GMIP: variants seen among roughly 807,000 people sequenced by gnomAD.
GMIP encodes the protein GEM-interacting protein.
A neutral mutation model predicts 105.3 loss-of-function variants in GMIP; 54 were observed. That is an observed-to-expected ratio of 0.51 (90% confidence interval 0.41 to 0.64). The LOEUF (loss-of-function observed/expected upper bound fraction) is 0.64. Among genes scored for constraint, GMIP ranks in the 30% least tolerant of loss-of-function variants. The pLI is 0.00. For synonymous variants in GMIP, 541 were observed against 560.8 expected (o/e 0.96, Z 0.50); for missense variants, 1,110 against 1,319.4 (o/e 0.84, Z 2.46).
chr19:19,636,321 G>C (rs189273345), intron 13 of GMIP, among the ~76,000 whole-genome samples: 3 of 151,952 alleles, frequency 2.0e-5, no homozygotes, highest in African/African-American at 7.3e-5. Context: ...TCAGGAGTTC[G>C]AGATCAGCCT....
intron 6 of GMIP, 46 bp from the exon 7 acceptor site, chr19:19,640,238 G>A (rs748016621): frequency 1.9e-6 from 3 of 1,578,612 alleles, no homozygotes; most frequent in South Asian, 2.2e-5. Flanking sequence ...GATCTGTGGG[G>A]GACAAAGGTG....
At position 19,634,100 on chromosome 19, in the gene GMIP, C is replaced by G. The variant is rs45521232; in HGVS notation, c.2175G>C (p.Pro725=). Residue 725 remains proline, a synonymous_variant, in exon 19 of 21, where the codon CCG becomes CCC. Coordinates refer to ENST00000203556, the MANE Select transcript of GMIP (RefSeq NM_016573.4). This position sits in a 1 kb window ranked among gnomAD's most constrained non-coding sequence, Gnocchi z 6.1. ...GPTLLRPPDG[P]RAASAIPVTC... ...TGACAGGGATGGCGCTGGCTGCCCG[C>G]GGGCCGTCCGGCGGCCGCAGCAGTG... 1.2e-6 allele frequency: 2 copies of G among 1,612,762 alleles called. No individual in the cohort carries two copies. The highest frequency in any genetic ancestry group is 1.7e-6 in the Non-Finnish European group (2 of 1,179,724).
chr19:19,634,654 A>G lies in GMIP; in HGVS notation c.1937T>C (p.Leu646Pro). 1.9e-6 allele frequency: 3 copies of G among 1,612,414 alleles called. No individual in the cohort carries two copies. The highest frequency in any genetic ancestry group is 2.5e-6 in the Non-Finnish European group (3 of 1,179,150). The change falls in exon 18 of 21, where the codon CTG becomes CCG. Residue 646 changes from leucine to proline, a missense_variant. Physicochemically the swap from Leu to Pro is moderately conservative, Grantham distance 98. Around this residue, in one of 3 missense-constraint regions of GMIP, gnomAD observed 394 missense variants for 450.5 expected, o/e 0.87. Coordinates refer to ENST00000203556, the MANE Select transcript of GMIP (RefSeq NM_016573.4). The surrounding 1 kb of genome is among the most constrained non-coding windows in gnomAD (Gnocchi z 6.1). Reference protein sequence around the residue: ...PFHLYDAFISLAKTLHADPGD... With the variant: ...PFHLYDAFISPAKTLHADPGD... ...AGGGTCTGCATGCAAGGTCTTAGCC[A>G]GAGAGATGAAGGCGTCGTAGAGGTG...
chr19:19,637,487 C>G lies in GMIP; in HGVS notation c.1002G>C (p.Glu334Asp). Residue 334 changes from glutamate to aspartate, a missense_variant, in exon 11 of 21, where the codon GAG becomes GAC. Around this residue, in one of 3 missense-constraint regions of GMIP, gnomAD observed 667 missense variants for 773.2 expected, o/e 0.86. Coordinates refer to ENST00000203556, the MANE Select transcript of GMIP (RefSeq NM_016573.4). The surrounding 1 kb of genome is among the most constrained non-coding windows in gnomAD (Gnocchi z 6.7). The stretch of plus-strand genomic sequence containing the variant: ...GGCCCGGCTCAAAGGGCGCACAGCA[C>G]TCGGCCAGGGCGGCGAAGGCGCGGG... ...RGPRAFAALA[E>D]CCAPFEPGQR... 3 of 1,541,644 alleles carry G rather than the reference C, an allele frequency of 1.9e-6. No homozygotes were observed. Among genetic ancestry groups the G allele is most frequent in the Non-Finnish European group, 2.6e-6 (3 of 1,144,158 alleles).
intron 13 of GMIP, 89 bp downstream of exon 13, chr19:19,636,618 G>T: frequency 1.1e-6 from 1 of 935,330 alleles, no homozygotes; most frequent in Non-Finnish European, 1.8e-6. Flanking sequence ...AGAGGTCAAA[G>T]ATAGTTAAAG....
At position 19,635,456 on chromosome 19, in the gene GMIP, C is replaced by A; in HGVS notation, c.1519G>T (p.Glu507Ter). The part of the protein sequence containing the change: ...RRLRGPAKCR[E>*]CEAFMVSGTE... ...CCGCTGACCATGAAGGCTTCGCACT[C>A]GCGGCACTTGGCTGGGCCCCGCAGT... Residue 507 changes from glutamate to a stop codon, truncating the protein, a stop_gained, in exon 15 of 21, where the codon GAG (glutamate) becomes TAG (stop). Transcript: ENST00000203556. LOFTEE classifies it high-confidence loss of function. This position sits in a 1 kb window ranked among gnomAD's most constrained non-coding sequence, Gnocchi z 4.7. The A allele has an allele frequency of 6.2e-7, 1 of 1,610,022 alleles. No individual in the cohort carries two copies. Among genetic ancestry groups the A allele is most frequent in the Non-Finnish European group, 8.5e-7 (1 of 1,179,986 alleles).
At position 19,641,801 on chromosome 19, in the gene GMIP, C is replaced by T. The variant is rs760494813; in HGVS notation, c.238+9G>A. 12 of 1,600,860 alleles carry T rather than the reference C, an allele frequency of 7.5e-6. No homozygotes were observed. Among genetic ancestry groups the T allele is most frequent in the Non-Finnish European group, 1.0e-5 (12 of 1,170,574 alleles). ...TGTCCCCACTGTCCTGGCCTCCAGA[C>T]CCCCCTACCTGTGAGGGGTACAGGA... On this transcript the variant is annotated intron_variant, in intron 4 of 20. Transcript: ENST00000203556.
In GMIP at chr19:19,635,464, T is replaced by C. The variant is rs1216570175; in HGVS notation, c.1511A>G (p.Lys504Arg). Residue 504 changes from lysine to arginine, a missense_variant, in exon 15 of 21, where the codon AAG becomes AGG. By Grantham distance (26) the Lys-to-Arg change is conservative. Around this residue, in one of 3 missense-constraint regions of GMIP, gnomAD observed 667 missense variants for 773.2 expected, o/e 0.86. Transcript: ENST00000203556. The surrounding 1 kb of genome is among the most constrained non-coding windows in gnomAD (Gnocchi z 4.7). ...HQLRRLRGPA[K>R]CRECEAFMVS... ...CATGAAGGCTTCGCACTCGCGGCAC[T>C]TGGCTGGGCCCCGCAGTCGCCGCAG... The C allele has an allele frequency of 2.5e-6, 4 of 1,610,294 alleles. No homozygotes were observed. In the Admixed American group the frequency reaches 5.0e-5, roughly 20 times the overall value.
At chr19:19,640,634 GC>G in intron 4 of GMIP, 63 bp from the exon 5 acceptor site, 9 of 1,587,590 alleles carry the variant, frequency 5.7e-6, no homozygotes, top group Non-Finnish European at 7.8e-6. Context: ...TCTTCCCTAA[GC>G]CCCCAGACCA....
intron 19 of GMIP, among the ~76,000 whole-genome samples, chr19:19,633,338 G>A (rs563187203): frequency 2.0e-4 from 30 of 152,238 alleles, no homozygotes; most frequent in Admixed American, 5.2e-4. Context: ...GATTACAGGC[G>A]TGTGCCACCG....
chr19:19,643,192 T>A, intron 1 of GMIP: 1 of 349,542 alleles, frequency 2.9e-6, no homozygotes, highest in East Asian at 4.8e-5. Flanking sequence ...GTGGGGATCC[T>A]ACCGCGTTGC....
Position 19,638,408 on chromosome 19 carries a change from C to T in GMIP, c.612G>A (p.Lys204=). The change falls in exon 8 of 21, where the codon AAG becomes AAA. Residue 204 remains lysine, a synonymous_variant. Coordinates refer to ENST00000203556, the MANE Select transcript of GMIP (RefSeq NM_016573.4). The stretch of plus-strand genomic sequence containing the variant: ...CACCAATTCCAAGCCTCACCATCCG[C>T]TTCTGCTCCTTCATCCACTGCTCCT... The part of the protein sequence containing the change: ...EFKEQWMKEQ[K]RMNEAVQALR... 1.2e-6 allele frequency: 2 copies of T among 1,614,206 alleles called. No individual in the cohort carries two copies. Among genetic ancestry groups the T allele is most frequent in the Non-Finnish European group, 1.7e-6 (2 of 1,180,018 alleles).
chr19:19,643,532 C>G lies in GMIP; in HGVS notation c.-3G>C. The G allele has an allele frequency of 6.5e-7, 1 of 1,547,956 alleles. No individual in the cohort carries two copies. Among genetic ancestry groups the G allele is most frequent in the Non-Finnish European group, 8.7e-7 (1 of 1,145,498 alleles). On this transcript the variant is annotated 5_prime_UTR_variant, in exon 1 of 21. Coordinates refer to ENST00000203556, the MANE Select transcript of GMIP (RefSeq NM_016573.4). ...CTACCCGGCTCTGCTGCGTCCATAT[C>G]TGGGCCCGGGGATCGCTCTGCAGGG... is the stretch of plus-strand genomic sequence containing the variant.
intron 7 of GMIP, among the ~76,000 whole-genome samples, chr19:19,638,851 T>C (rs1426848850): frequency 6.7e-6 from 1 of 149,582 alleles, no homozygotes; most frequent in Non-Finnish European, 1.5e-5. Flanking sequence ...GAGGCCAAAG[T>C]GGGCAGATCA....
At chr19:19,643,470 G>T (rs374492898) in intron 1 of GMIP, 41 bp downstream of exon 1, 6 of 1,519,764 alleles carry the variant, frequency 3.9e-6, no homozygotes, top group Non-Finnish European at 2.7e-6. Flanking sequence ...GGAAGCAGGG[G>T]ATGGTCGGGG....
chr19:19,633,057 C>T (rs2061812493), intron 19 of GMIP, among the ~76,000 whole-genome samples: 1 of 150,104 alleles, frequency 6.7e-6, no homozygotes, highest in African/African-American at 2.5e-5. Flanking sequence ...TGTCTTACTC[C>T]ACTTTTTTTT....
At position 19,635,707 on chromosome 19, in the gene GMIP, G is replaced by A. The variant is rs560494801; in HGVS notation, c.1342C>T (p.Gln448Ter). ...PTSSPGAGTR[Q>*]LVKASSTGTE... ...CCTGTGGACGAAGCCTTCACCAGCT[G>A]CCTCGTGCCAGCGCCTGGGGTCAGA... is the stretch of plus-strand genomic sequence containing the variant. Residue 448 changes from glutamine (Q) to a stop codon, truncating the protein, a stop_gained, in exon 14 of 21, where the codon CAG (glutamine) becomes TAG (stop). Coordinates refer to ENST00000203556, the MANE Select transcript of GMIP (RefSeq NM_016573.4). LOFTEE classifies it high-confidence loss of function. This position sits in a 1 kb window ranked among gnomAD's most constrained non-coding sequence, Gnocchi z 4.7. 9.3e-6 allele frequency: 15 copies of A among 1,614,082 alleles called. No homozygotes were observed. The African/African-American group carries it at 2.0e-4, about 22-fold the overall frequency.
In GMIP at chr19:19,630,855, C is replaced by T. The variant is rs1306687466; in HGVS notation, c.2473-318G>A. The stretch of plus-strand genomic sequence containing the variant: ...AGGGCATGGACCACCACTGACTGTG[C>T]ACCTGTCATCCTTTGCAGTTTTGGT... On this transcript the variant is annotated intron_variant, in intron 19 of 20. Coordinates refer to ENST00000203556, the MANE Select transcript of GMIP (RefSeq NM_016573.4). This position sits in a 1 kb window ranked among gnomAD's most constrained non-coding sequence, Gnocchi z 4.8. 6.6e-6 allele frequency among the ~76,000 whole-genome samples: 1 copy of T among 152,168 alleles called. No homozygotes were observed. Among genetic ancestry groups the T allele is most frequent in the East Asian group, 1.9e-4 (1 of 5,184 alleles).
Position 19,642,635 on chromosome 19 carries a change from G to C in GMIP, c.20-16C>G. ...GGGGGGAGTCCTAGGGGAGGGGAGT[G>C]TAATACATGGGCTAACCACTGCCTC... On this transcript the variant is annotated splice_polypyrimidine_tract_variant and intron_variant, in intron 1 of 20. Transcript: ENST00000203556. 7.1e-7 allele frequency: 1 copy of C among 1,415,470 alleles called. No homozygotes were observed. Among genetic ancestry groups the C allele is most frequent in the Non-Finnish European group, 1.0e-6 (1 of 1,004,628 alleles). 87.7% of individuals were successfully genotyped at this position (1,415,470 alleles called of 1,614,324 possible).
Sources: allele counts gnomAD v4.1 joint callset (sites outside exome capture counted in the v4.1 genomes callset), GRCh38; gene constraint gnomAD v4.1.1; regional missense constraint gnomAD v4.1.1; non-coding constraint Gnocchi (gnomAD v3.1); transcripts MANE v1.5; gene names NCBI Gene and HGNC (gene_info 2026-07-23, HGNC 2026-07-21).